Variants in ELMO1 observed in about 807,000 individuals in gnomAD.
ELMO1 encodes engulfment and cell motility protein 1.
A neutral mutation model predicts 98.9 loss-of-function variants in ELMO1; 26 were observed. The ratio of observed to expected loss-of-function variants is 0.26; its 90% CI spans 0.19 to 0.36. ELMO1 has a LOEUF of 0.36. ELMO1 is among the 10% of genes least tolerant of loss of function. ELMO1 has a pLI of 1.00. For missense variants in ELMO1, 627 were observed against 935.2 expected (o/e 0.67, Z 4.30); for synonymous variants, 346 against 346.0 (o/e 1.00, Z 0.00).
chr7:37,189,321 T>C (rs1178949432), intron 13 of ELMO1, among the ~76,000 whole-genome samples: 1 of 152,214 alleles, frequency 6.6e-6, no homozygotes, highest in Non-Finnish European at 1.5e-5. Flanking sequence ...ATGGAGATTC[T>C]AATGTGAACA....
chr7:36,855,830 A>G lies in ELMO1; in HGVS notation c.1984-79T>C. On this transcript the variant is annotated intron_variant, in intron 21 of 21. Transcript: ENST00000310758. This position sits in a 1 kb window ranked among gnomAD's most constrained non-coding sequence, Gnocchi z 4.2. ...TAATAGTAAAAATAGCTAACAGTGA[A>G]TACTCATCCCTCAGTAGGCTGTGCG... 6.5e-7 allele frequency: 1 copy of G among 1,527,600 alleles called. No individual in the cohort carries two copies. Among genetic ancestry groups the G allele is most frequent in the South Asian group, 1.1e-5 (1 of 87,078 alleles). 94.6% of individuals were successfully genotyped at this position (1,527,600 alleles called of 1,614,324 possible).
intron 10 of ELMO1, among the ~76,000 whole-genome samples, chr7:37,219,106 A>C (rs928181746): frequency 2.6e-5 from 4 of 152,172 alleles, no homozygotes; most frequent in African/African-American, 9.7e-5. Flanking sequence ...GTGCCAGGAA[A>C]CTGAGAATCT....
intron 4 of ELMO1, among the ~76,000 whole-genome samples, chr7:37,276,001 AAATCCC>A (rs1320623257): frequency 6.6e-6 from 1 of 152,216 alleles, no homozygotes; most frequent in Non-Finnish European, 1.5e-5. Flanking sequence ...CTGATTTCAT[AAATCCC>A]ACACAGGAGG....
chr7:36,985,067 G>A (rs1791397123), intron 16 of ELMO1: 1 of 985,344 alleles, frequency 1.0e-6, no homozygotes, highest in Admixed American at 6.1e-5. Context: ...TCCATTGCCT[G>A]TTTATAGTAC....
chr7:37,028,026 C>A (rs180921231), intron 15 of ELMO1, among the ~76,000 whole-genome samples: 1 of 149,994 alleles, frequency 6.7e-6, no homozygotes, highest in Non-Finnish European at 1.5e-5. Flanking sequence ...GACCATACTA[C>A]GAGAACTGTC....
chr7:36,893,665 G>A (rs1805749775), intron 17 of ELMO1, among the ~76,000 whole-genome samples: 1 of 152,172 alleles, frequency 6.6e-6, no homozygotes, highest in African/African-American at 2.4e-5. Flanking sequence ...AGCTAGGGCA[G>A]GGCAAACACA....
intron 1 of ELMO1, among the ~76,000 whole-genome samples, chr7:37,408,611 A>T (rs1272772984): frequency 1.3e-5 from 2 of 152,202 alleles, no homozygotes; most frequent in African/African-American, 4.8e-5. Context: ...ATGTGCTACA[A>T]CTCAGATAAA....
intron 13 of ELMO1, among the ~76,000 whole-genome samples, chr7:37,172,445 C>T (rs777868296): frequency 1.5e-4 from 23 of 152,282 alleles, no homozygotes; most frequent in South Asian, 6.2e-4. Flanking sequence ...CTAAGTGAGA[C>T]ATTTCAAGAC....
chr7:37,038,952 C>T (rs985643028), intron 15 of ELMO1, among the ~76,000 whole-genome samples: 8 of 152,156 alleles, frequency 5.3e-5, no homozygotes, highest in Non-Finnish European at 1.0e-4. Context: ...AACCTAATTA[C>T]CTCCTAATGG....
At chr7:37,432,030 T>C (rs1804953580) in intron 1 of ELMO1, among the ~76,000 whole-genome samples, 1 of 152,186 alleles carries the variant, frequency 6.6e-6, no homozygotes, top group Admixed American at 6.5e-5. Flanking sequence ...TACAGGCATA[T>C]GCCACCACGC....
chr7:37,400,127 T>C (rs1803461271), intron 1 of ELMO1, among the ~76,000 whole-genome samples: 1 of 152,180 alleles, frequency 6.6e-6, no homozygotes, highest in African/African-American at 2.4e-5. Context: ...AACACTTATT[T>C]TGGAGGGAGT....
intron 15 of ELMO1, among the ~76,000 whole-genome samples, chr7:37,064,417 C>T (rs1438082812): frequency 6.6e-6 from 1 of 152,140 alleles, no homozygotes; most frequent in Admixed American, 6.6e-5. Flanking sequence ...GCTGGAGCAT[C>T]AGATCATCAG....
intron 18 of ELMO1, 127 bp downstream of exon 18, chr7:36,887,433 T>G: frequency 1.4e-6 from 1 of 725,452 alleles, no homozygotes; most frequent in Non-Finnish European, 2.3e-6. Flanking sequence ...CGACCTGGAC[T>G]GCTATTCCTG....
chr7:37,390,494 C>A (rs920555755), intron 1 of ELMO1, among the ~76,000 whole-genome samples: 2 of 151,926 alleles, frequency 1.3e-5, no homozygotes, highest in Non-Finnish European at 2.9e-5. Flanking sequence ...CACAGAGGCC[C>A]AGGGACAGAA....
At chr7:37,440,725 C>T (rs1336393340) in intron 1 of ELMO1, among the ~76,000 whole-genome samples, 5 of 149,160 alleles carry the variant, frequency 3.4e-5, no homozygotes, top group South Asian at 2.1e-4. Context: ...GCCAAGATCG[C>T]GCCACTACAC....
chr7:36,915,692 C>T (rs1584363387), intron 16 of ELMO1, among the ~76,000 whole-genome samples: 1 of 152,302 alleles, frequency 6.6e-6, no homozygotes, highest in Non-Finnish European at 1.5e-5. Flanking sequence ...TTTGTGTTGG[C>T]AATCCAAGAT....
chr7:37,168,003 C>T (rs1301463834), intron 13 of ELMO1, among the ~76,000 whole-genome samples: 2 of 151,954 alleles, frequency 1.3e-5, no homozygotes, highest in African/African-American at 2.4e-5. Context: ...GGTCTTTTCA[C>T]ATAGTCCCAT....
intron 21 of ELMO1, among the ~76,000 whole-genome samples, chr7:36,859,947 C>A (rs1049812501): frequency 6.6e-6 from 1 of 152,120 alleles, no homozygotes; most frequent in Non-Finnish European, 1.5e-5. Flanking sequence ...AAGACCAACC[C>A]GTCCTCTTCC....
chr7:37,440,068 T>A (rs1159971323), intron 1 of ELMO1, among the ~76,000 whole-genome samples: 2 of 151,742 alleles, frequency 1.3e-5, no homozygotes, highest in East Asian at 3.9e-4. Context: ...TCGGTCCCAC[T>A]CCCCCAAACC....
Sources: gnomAD v4.1 joint callset for allele counts (sites outside exome capture counted in the v4.1 genomes callset) on GRCh38, gnomAD v4.1.1 for gene constraint, Gnocchi (gnomAD v3.1) non-coding constraint, MANE v1.5 for transcripts, NCBI Gene and HGNC (gene_info 2026-07-23, HGNC 2026-07-21) for gene names.